Variants in ZNF804B observed in about 807,000 individuals in gnomAD.
ZNF804B encodes zinc finger protein 804B.
ZNF804B carries 80 observed loss-of-function variants against 101.4 expected under a neutral mutation model. The observed-to-expected ratio is 0.79, with a 90% CI of 0.66 to 0.95. ZNF804B has a LOEUF of 0.95. Ranked by LOEUF, ZNF804B falls within the 40% of genes least tolerant of loss-of-function variation. The probability of loss-of-function intolerance (pLI) is 0.00; values close to 1 mark genes in which losing one functional copy is unlikely to be tolerated. For missense variants in ZNF804B, 1,673 were observed against 1,561.9 expected, an observed-to-expected ratio of 1.07 and a Z score of -1.20; for synonymous variants, 622 against 558.8, an observed-to-expected ratio of 1.11 and a Z score of -1.59.
At chr7:88,821,347 A>C (rs1183057587) in intron 1 of ZNF804B, among the ~76,000 whole-genome samples, 1 of 152,238 alleles carries the variant, frequency 6.6e-6, no homozygotes, top group East Asian at 1.9e-4. Flanking sequence ...ATGACCAGAT[A>C]GATATGATGA....
At chr7:89,289,726 T>C (rs1241861475) in intron 2 of ZNF804B, among the ~76,000 whole-genome samples, 1 of 152,178 alleles carries the variant, frequency 6.6e-6, no homozygotes, top group Non-Finnish European at 1.5e-5. Flanking sequence ...CTGCAAGCCT[T>C]GTCACCATGG....
intron 1 of ZNF804B, among the ~76,000 whole-genome samples, chr7:89,032,340 G>C (rs10952944): frequency 0.45 from 67,283 of 150,296 alleles, 15,994 homozygotes; most frequent in Non-Finnish European, 0.53. Flanking sequence ...AATGAGTTAA[G>C]GGGGATAAAT....
chr7:88,811,396 G>A (rs1030406718), intron 1 of ZNF804B, among the ~76,000 whole-genome samples: 7 of 152,156 alleles, frequency 4.6e-5, no homozygotes, highest in Admixed American at 6.5e-5. Flanking sequence ...CACTGTTGGC[G>A]GGCATGTAAA....
intron 1 of ZNF804B, among the ~76,000 whole-genome samples, chr7:89,183,385 G>C (rs551517600): frequency 6.6e-6 from 1 of 151,760 alleles, no homozygotes; most frequent in Non-Finnish European, 1.5e-5. Flanking sequence ...TTAAACTAGA[G>C]AGTAAAAAAA....
intron 1 of ZNF804B, among the ~76,000 whole-genome samples, chr7:88,921,520 G>C (rs1792718868): frequency 6.6e-6 from 1 of 152,076 alleles, no homozygotes; most frequent in Non-Finnish European, 1.5e-5. Flanking sequence ...CATTTATAGG[G>C]AACCATATTC....
intron 2 of ZNF804B, among the ~76,000 whole-genome samples, chr7:89,244,372 A>G (rs995485032): frequency 6.6e-6 from 1 of 152,154 alleles, no homozygotes; most frequent in African/African-American, 2.4e-5. Flanking sequence ...CAAACATTGT[A>G]TACTTTAATA....
intron 1 of ZNF804B, among the ~76,000 whole-genome samples, chr7:89,100,433 C>T (rs1487065396): frequency 6.6e-6 from 1 of 152,100 alleles, no homozygotes; most frequent in Non-Finnish European, 1.5e-5. Context: ...ACCCCAAAAA[C>T]ACAGGCAGCC....
chr7:88,930,717 G>C (rs1288772115), intron 1 of ZNF804B, among the ~76,000 whole-genome samples: 1 of 151,836 alleles, frequency 6.6e-6, no homozygotes, highest in Non-Finnish European at 1.5e-5. Context: ...GGTTCTTCAA[G>C]ACAGCGTTCA....
At chr7:88,883,148 C>G (rs1792068578) in intron 1 of ZNF804B, among the ~76,000 whole-genome samples, 1 of 152,032 alleles carries the variant, frequency 6.6e-6, no homozygotes, top group Non-Finnish European at 1.5e-5. Flanking sequence ...CATTTGCCAG[C>G]CATCATTTGC....
chr7:88,981,377 A>G (rs1419596786), intron 1 of ZNF804B, among the ~76,000 whole-genome samples: 1 of 152,058 alleles, frequency 6.6e-6, no homozygotes, highest in Non-Finnish European at 1.5e-5. Context: ...CTAAGTTCCA[A>G]GACAAAGTCT....
Position 88,875,007 on chromosome 7 carries a change from A to C in ZNF804B, c.108+114923A>C, listed in dbSNP as rs533665237. On this transcript the variant is annotated intron_variant, in intron 1 of 3. Coordinates refer to ENST00000333190, the MANE Select transcript of ZNF804B (RefSeq NM_181646.5). The stretch of plus-strand genomic sequence containing the variant: ...ACTAGAACTGAGGATTAAGAATCTC[A>C]CTCAAAACCGCTCAACTACATGGAA... Among the ~76,000 whole-genome samples the C allele has an allele frequency of 1.6e-4, 20 of 128,944 alleles. No individual in the cohort carries two copies. The South Asian group carries it at 5.7e-3, about 37-fold the overall frequency. 84.6% of individuals were successfully genotyped at this position (128,944 alleles called of 152,430 possible). A position where few individuals can be genotyped will look rare whatever the true frequency, so the allele number is the denominator to read the frequency against.
chr7:88,854,511 C>G lies in ZNF804B; in HGVS notation c.108+94427C>G, dbSNP rs1272013906. ...CCTTTCCTTTCCTTTCCTTTCCTTT[C>G]CTTTCCTTTCCTTCCTTTCCTTCCT... On this transcript the variant is annotated intron_variant, in intron 1 of 3. Coordinates refer to ENST00000333190, the MANE Select transcript of ZNF804B (RefSeq NM_181646.5). Among the ~76,000 whole-genome samples, 174 of 83,686 alleles carry G rather than the reference C, an allele frequency of 2.1e-3. 5 individuals are homozygous for G. The highest frequency in any genetic ancestry group is 0.011 in the African/African-American group (167 of 14,758). 54.9% of individuals were successfully genotyped at this position (83,686 alleles called of 152,430 possible). A position where few individuals can be genotyped will look rare whatever the true frequency, so the allele number is the denominator to read the frequency against.
At chr7:88,764,039 C>G (rs568701299) in intron 1 of ZNF804B, among the ~76,000 whole-genome samples, 1 of 152,132 alleles carries the variant, frequency 6.6e-6, no homozygotes, top group Admixed American at 6.6e-5. Context: ...TCATGAACTT[C>G]TAAGTTCTAT....
intron 1 of ZNF804B, among the ~76,000 whole-genome samples, chr7:89,112,973 C>A (rs1009484220): frequency 1.3e-5 from 2 of 152,012 alleles, no homozygotes; most frequent in African/African-American, 4.8e-5. Flanking sequence ...AATACAGGGG[C>A]CTGGCCTGGA....
intron 1 of ZNF804B, among the ~76,000 whole-genome samples, chr7:88,785,599 C>T (rs151093020): frequency 1.3e-4 from 20 of 152,114 alleles, no homozygotes; most frequent in African/African-American, 4.6e-4. Flanking sequence ...TTCTTTATTC[C>T]GCTTTAAATG....
chr7:89,324,252 A>G (rs1289750834), intron 2 of ZNF804B, among the ~76,000 whole-genome samples: 1 of 151,794 alleles, frequency 6.6e-6, no homozygotes, highest in Non-Finnish European at 1.5e-5. Context: ...CACTTTGTGT[A>G]TTTTAATGCT....
At chr7:89,061,832 A>T (rs1430308842) in intron 1 of ZNF804B, among the ~76,000 whole-genome samples, 2 of 152,078 alleles carry the variant, frequency 1.3e-5, no homozygotes, top group Non-Finnish European at 2.9e-5. Context: ...TGTCTCACAA[A>T]CAACGAAACT....
At chr7:89,063,712 C>T (rs530232637) in intron 1 of ZNF804B, among the ~76,000 whole-genome samples, 1 of 152,262 alleles carries the variant, frequency 6.6e-6, no homozygotes, top group African/African-American at 2.4e-5. Flanking sequence ...CTAAAATTGT[C>T]TGCATCAGTG....
intron 1 of ZNF804B, among the ~76,000 whole-genome samples, chr7:88,972,782 T>C (rs893904083): frequency 1.3e-5 from 2 of 151,246 alleles, no homozygotes; most frequent in African/African-American, 4.8e-5. Flanking sequence ...GTTCCATAAT[T>C]CTTCTCACTA....
Sources: gnomAD v4.1 joint callset for allele counts (sites outside exome capture counted in the v4.1 genomes callset) on GRCh38, gnomAD v4.1.1 for gene constraint, MANE v1.5 for transcripts, NCBI Gene and HGNC (gene_info 2026-07-23, HGNC 2026-07-21) for gene names.